MTA3: variants seen among roughly 807,000 people sequenced by gnomAD.
The protein encoded by MTA3 is metastasis-associated protein MTA3.
Under a neutral mutation model 83.5 loss-of-function variants are expected in MTA3, and 34 were observed. That is an observed-to-expected ratio of 0.41 (90% CI 0.31 to 0.54). The LOEUF (loss-of-function observed/expected upper bound fraction) is 0.54. Ranked by LOEUF, MTA3 falls within the 20% of genes least tolerant of loss-of-function variation. The probability of loss-of-function intolerance (pLI) is 0.33; values close to 1 mark genes in which losing one functional copy is unlikely to be tolerated. For missense variants in MTA3, 761 were observed against 726.4 expected (o/e 1.05, Z -0.55); for synonymous variants, 303 against 252.7 (o/e 1.20, Z -1.89).
chr2:42,580,691 C>G (rs1201988401), intron 3 of MTA3, among the ~76,000 whole-genome samples: 2 of 151,392 alleles, frequency 1.3e-5, no homozygotes, highest in African/African-American at 4.9e-5. Context: ...TGCTTCCCAG[C>G]TTCAAGCGAT....
At chr2:42,608,600 A>T (rs1486801529) in intron 3 of MTA3, among the ~76,000 whole-genome samples, 2 of 152,126 alleles carry the variant, frequency 1.3e-5, no homozygotes, top group East Asian at 3.9e-4. Context: ...CCCTTCTGTG[A>T]GGTTGGGTGT....
At chr2:42,522,404 C>T (rs1441268086) in intron 2 of MTA3, among the ~76,000 whole-genome samples, 3 of 152,142 alleles carry the variant, frequency 2.0e-5, no homozygotes, top group Non-Finnish European at 4.4e-5. Context: ...TCGTTCCTTG[C>T]ACCCACTTTC....
intron 8 of MTA3, among the ~76,000 whole-genome samples, chr2:42,661,884 T>C (rs947937839): frequency 2.0e-5 from 3 of 152,208 alleles, no homozygotes; most frequent in Non-Finnish European, 4.4e-5. Context: ...ATAGTTAATG[T>C]TGAAGTCTCT....
At chr2:42,708,419 G>A (rs1397344686) in intron 13 of MTA3, among the ~76,000 whole-genome samples, 1 of 152,092 alleles carries the variant, frequency 6.6e-6, no homozygotes, top group African/African-American at 2.4e-5. Context: ...TTCTCCCCGT[G>A]GCTGTTTTGG....
intron 9 of MTA3, among the ~76,000 whole-genome samples, chr2:42,687,976 C>T (rs189296348): frequency 7.9e-4 from 120 of 152,334 alleles, no homozygotes; most frequent in African/African-American, 2.4e-3. Context: ...CAAAGGCAGT[C>T]GCTACTGACA....
rs546183001 is a variant in MTA3, at chr2:42,756,847, C to T, written c.*3448C>T. On this transcript the variant is annotated 3_prime_UTR_variant, in exon 17 of 17. Coordinates refer to ENST00000405094, the MANE Select transcript of MTA3 (RefSeq NM_001330442.2). ...TCATGAGTGTTTCCGCAGGATAATT[C>T]GTTCTGAGCATGATACCACAGTGTG... is the stretch of plus-strand genomic sequence containing the variant. 1.0e-5 allele frequency: 10 copies of T among 985,414 alleles called. No individual in the cohort carries two copies. In the Admixed American group the frequency reaches 2.5e-4, roughly 24 times the overall value. 61.0% of individuals were successfully genotyped at this position (985,414 alleles called of 1,614,324 possible). A position where few individuals can be genotyped will look rare whatever the true frequency, so the allele number is the denominator to read the frequency against.
intron 14 of MTA3, among the ~76,000 whole-genome samples, chr2:42,713,246 G>C (rs527546489): frequency 7.1e-4 from 108 of 152,276 alleles, no homozygotes; most frequent in Non-Finnish European, 1.2e-3. Context: ...GGAACCTGAA[G>C]CTATTTTTCT....
chr2:42,643,439 C>T (rs2104311932), intron 5 of MTA3, among the ~76,000 whole-genome samples: 1 of 152,214 alleles, frequency 6.6e-6, no homozygotes, highest in South Asian at 2.1e-4. Context: ...GGCTCAGAAA[C>T]AAGGACATAG....
At chr2:42,659,051 T>A (rs1238774328) in intron 7 of MTA3, among the ~76,000 whole-genome samples, 3 of 151,836 alleles carry the variant, frequency 2.0e-5, no homozygotes. Flanking sequence ...TGAGCTATGA[T>A]CATACTATTG....
intron 3 of MTA3, among the ~76,000 whole-genome samples, chr2:42,581,307 C>G (rs1001118716): frequency 6.6e-6 from 1 of 151,194 alleles, no homozygotes; most frequent in Non-Finnish European, 1.5e-5. Flanking sequence ...TCAAGGGATC[C>G]TCACAAAGTG....
At chr2:42,627,989 A>G (rs1686285758) in intron 4 of MTA3, among the ~76,000 whole-genome samples, 1 of 151,640 alleles carries the variant, frequency 6.6e-6, no homozygotes, top group Non-Finnish European at 1.5e-5. Flanking sequence ...GGTTCAAGTG[A>G]TTCTCCCGCC....
intron 3 of MTA3, 42 bp downstream of exon 3, chr2:42,579,242 G>C: frequency 1.4e-6 from 2 of 1,411,040 alleles, no homozygotes; most frequent in South Asian, 1.3e-5. Flanking sequence ...TTTAAGTCTT[G>C]TGTTTTTTGT....
intron 12 of MTA3, among the ~76,000 whole-genome samples, chr2:42,704,797 C>G (rs761209818): frequency 1.3e-5 from 2 of 152,164 alleles, no homozygotes; most frequent in Admixed American, 6.5e-5. Context: ...TTCTATGATA[C>G]TTGCTTTTGG....
chr2:42,533,602 G>A (rs1354191944), intron 2 of MTA3, among the ~76,000 whole-genome samples: 1 of 148,166 alleles, frequency 6.7e-6, no homozygotes, highest in African/African-American at 2.5e-5. Context: ...GGGAGGCCGA[G>A]GTGGGCGGAT....
intron 16 of MTA3, among the ~76,000 whole-genome samples, chr2:42,729,825 G>A (rs187123951): frequency 3.9e-4 from 60 of 152,234 alleles, no homozygotes; most frequent in Admixed American, 9.2e-4. Context: ...CTATCTCTGC[G>A]AAGAACATCA....
chr2:42,711,348 C>T (rs936375354), intron 14 of MTA3, among the ~76,000 whole-genome samples: 2 of 152,014 alleles, frequency 1.3e-5, no homozygotes, highest in Admixed American at 6.6e-5. Flanking sequence ...TCTCAATTGA[C>T]GGGCCATGCT....
chr2:42,506,624 ATTATTTAT>A (rs139933539), intron 2 of MTA3, among the ~76,000 whole-genome samples: 1 of 148,636 alleles, frequency 6.7e-6, no homozygotes, highest in African/African-American at 2.5e-5. Flanking sequence ...ACTTATTATT[ATTATTTAT>A]TTATTTATTT....
intron 6 of MTA3, among the ~76,000 whole-genome samples, chr2:42,652,641 C>T (rs1688821317): frequency 6.6e-6 from 1 of 152,090 alleles, no homozygotes; most frequent in Admixed American, 6.5e-5. Flanking sequence ...CCACTGCACC[C>T]TGGCCTTGCT....
In MTA3 at chr2:42,635,266, A is replaced by C. The variant is rs571903604; in HGVS notation, c.318-4907A>C. On this transcript the variant is annotated intron_variant, in intron 4 of 16. Coordinates refer to ENST00000405094, the MANE Select transcript of MTA3 (RefSeq NM_001330442.2). ...GTGTTAAATGCTGTCAAAACTGTCT[A>C]CTCACTGATTTACCAATCCCAGAAC... Among the ~76,000 whole-genome samples the C allele has an allele frequency of 2.6e-5, 4 of 152,152 alleles. No homozygotes were observed. In the East Asian group the frequency reaches 7.7e-4, roughly 29 times the overall value.
Sources: allele counts gnomAD v4.1 joint callset (sites outside exome capture counted in the v4.1 genomes callset), GRCh38; gene constraint gnomAD v4.1.1; transcripts MANE v1.5; gene names NCBI Gene and HGNC (gene_info 2026-07-23, HGNC 2026-07-21).